MAPKAP1: variants seen among roughly 807,000 people sequenced by gnomAD.
MAPKAP1 encodes the protein target of rapamycin complex 2 subunit MAPKAP1.
A neutral mutation model predicts 65.7 loss-of-function variants in MAPKAP1; 20 were observed. The observed-to-expected ratio is 0.30, with a 90% confidence interval of 0.21 to 0.44. The LOEUF (loss-of-function observed/expected upper bound fraction) is 0.44. Among genes scored for constraint, MAPKAP1 ranks in the 20% least tolerant of loss-of-function variants. MAPKAP1 has a pLI of 1.00. For synonymous variants in MAPKAP1, 222 were observed against 244.3 expected, an observed-to-expected ratio of 0.91 and a Z score of 0.85; for missense variants, 423 against 648.0, an observed-to-expected ratio of 0.65 and a Z score of 3.77.
chr9:125,500,411 T>G (rs1485494363), intron 8 of MAPKAP1, among the ~76,000 whole-genome samples: 1 of 151,384 alleles, frequency 6.6e-6, no homozygotes, highest in Non-Finnish European at 1.5e-5. Flanking sequence ...GCCAGGATGG[T>G]CTCGATCTCC....
chr9:125,552,278 A>G (rs142515605), intron 6 of MAPKAP1, among the ~76,000 whole-genome samples: 110 of 152,228 alleles, frequency 7.2e-4, no homozygotes, highest in South Asian at 1.9e-3. Context: ...CTGAACAACA[A>G]CTCTATCCAG....
intron 1 of MAPKAP1, among the ~76,000 whole-genome samples, chr9:125,698,243 TATAA>T (rs1480347721): frequency 9.5e-5 from 13 of 137,376 alleles, no homozygotes; most frequent in South Asian, 2.2e-4. Flanking sequence ...TCTCAAAATA[TATAA>T]ATATATAATT....
chr9:125,577,983 A>C (rs951516461), intron 5 of MAPKAP1, among the ~76,000 whole-genome samples: 1 of 151,930 alleles, frequency 6.6e-6, no homozygotes, highest in African/African-American at 2.4e-5. Flanking sequence ...GTTTTGTGGA[A>C]TAGAAAGGGG....
intron 7 of MAPKAP1, among the ~76,000 whole-genome samples, chr9:125,514,769 T>C (rs911697713): frequency 2.6e-5 from 4 of 152,144 alleles, no homozygotes; most frequent in Admixed American, 6.5e-5. Context: ...CTGCTGACAA[T>C]GGGCTGGAGA....
chr9:125,663,116 A>G (rs1301150954), intron 3 of MAPKAP1, among the ~76,000 whole-genome samples: 6 of 152,198 alleles, frequency 3.9e-5, no homozygotes, highest in Non-Finnish European at 1.5e-5. Flanking sequence ...CACATATCAC[A>G]TCACTACTCT....
chr9:125,506,561 G>C, intron 7 of MAPKAP1, 144 bp from the exon 8 acceptor site: 1 of 663,336 alleles, frequency 1.5e-6, no homozygotes, highest in Non-Finnish European at 2.6e-6. Context: ...ATCCAGGATG[G>C]AAGTTTGGGG....
intron 1 of MAPKAP1, among the ~76,000 whole-genome samples, chr9:125,706,400 T>C (rs1835760329): frequency 6.6e-6 from 1 of 152,062 alleles, no homozygotes; most frequent in Non-Finnish European, 1.5e-5. Context: ...AAAAGGAAGT[T>C]TTAACCAATT....
At chr9:125,551,972 G>A (rs758823164) in intron 6 of MAPKAP1, among the ~76,000 whole-genome samples, 1 of 152,144 alleles carries the variant, frequency 6.6e-6, no homozygotes, top group Admixed American at 6.5e-5. Context: ...TTGAGATGCT[G>A]GGCACTATCT....
chr9:125,597,212 C>T (rs1832159198), intron 4 of MAPKAP1, among the ~76,000 whole-genome samples: 1 of 138,184 alleles, frequency 7.2e-6, no homozygotes, highest in Non-Finnish European at 1.5e-5. Flanking sequence ...TTGCAATGAG[C>T]CGAGATCGTG....
At chr9:125,696,379 C>G (rs1347385763) in intron 1 of MAPKAP1, 1 of 150,080 alleles carries the variant, frequency 6.7e-6, no homozygotes, top group Non-Finnish European at 1.5e-5. Flanking sequence ...CCACTGCACT[C>G]CAGCCTGGTC....
At chr9:125,589,796 C>A (rs1244790648) in intron 4 of MAPKAP1, among the ~76,000 whole-genome samples, 1 of 152,118 alleles carries the variant, frequency 6.6e-6, no homozygotes, top group Non-Finnish European at 1.5e-5. Context: ...AAATAATTCT[C>A]CTACATAATG....
chr9:125,465,032 T>C (rs138162071), intron 10 of MAPKAP1, among the ~76,000 whole-genome samples: 3 of 152,366 alleles, frequency 2.0e-5, no homozygotes, highest in East Asian at 1.9e-4. Flanking sequence ...AATGTCTTTT[T>C]GTAAAGAAAG....
intron 4 of MAPKAP1, among the ~76,000 whole-genome samples, chr9:125,615,978 C>G (rs1832736478): frequency 6.6e-6 from 1 of 150,534 alleles, no homozygotes; most frequent in African/African-American, 2.4e-5. Context: ...TATCAGTTAC[C>G]AGAAATTGCT....
rs182432901 is a variant in MAPKAP1, at chr9:125,491,444, A to C, written c.1067-6861T>G. Among the ~76,000 whole-genome samples the C allele has an allele frequency of 4.5e-3, 685 of 152,158 alleles. 4 individuals are homozygous for C. The highest frequency in any genetic ancestry group is 0.015 in the African/African-American group (643 of 41,518). ...TAACAGAGTGAGACCCTGTCTCAAA[A>C]AAATTTTTTTTAAAGAAATTATAGT... On this transcript the variant is annotated intron_variant, in intron 8 of 11. Transcript: ENST00000265960.
chr9:125,698,316 T>TA (rs1199852961), intron 1 of MAPKAP1, among the ~76,000 whole-genome samples: 3 of 86,636 alleles, frequency 3.5e-5, no homozygotes, highest in South Asian at 6.2e-4. Flanking sequence ...TATATATATA[T>TA]ATATATATAT....
intron 4 of MAPKAP1, among the ~76,000 whole-genome samples, chr9:125,653,754 T>G (rs778219427): frequency 6.6e-6 from 1 of 152,228 alleles, no homozygotes; most frequent in Non-Finnish European, 1.5e-5. Context: ...TAAACGACAC[T>G]GCCTCTCACT....
At chr9:125,479,445 T>C (rs1372090876) in intron 9 of MAPKAP1, among the ~76,000 whole-genome samples, 3 of 152,066 alleles carry the variant, frequency 2.0e-5, no homozygotes, top group Non-Finnish European at 4.4e-5. Context: ...TTGAGCGTGG[T>C]GGTGCATGCC....
chr9:125,495,866 A>C (rs768697514), intron 8 of MAPKAP1, among the ~76,000 whole-genome samples: 1 of 152,228 alleles, frequency 6.6e-6, no homozygotes, highest in Non-Finnish European at 1.5e-5. Flanking sequence ...AGGGAAAGAA[A>C]ACAGGAATCA....
chr9:125,518,793 A>G (rs1029863392), intron 7 of MAPKAP1, among the ~76,000 whole-genome samples: 1 of 152,240 alleles, frequency 6.6e-6, no homozygotes, highest in Non-Finnish European at 1.5e-5. Context: ...ATAAAATAAA[A>G]GCACCAAAAC....
Sources: gnomAD v4.1 joint callset for allele counts (sites outside exome capture counted in the v4.1 genomes callset) on GRCh38, gnomAD v4.1.1 for gene constraint, MANE v1.5 for transcripts, NCBI Gene and HGNC (gene_info 2026-07-23, HGNC 2026-07-21) for gene names.